The following GTPBP10 variants were observed in gnomAD, a reference collection of about 807,000 sequenced individuals.
GTPBP10 encodes GTP binding protein 10.
Under a neutral mutation model 44.8 loss-of-function variants are expected in GTPBP10, and 38 were observed. That is an observed-to-expected ratio of 0.85 (90% confidence interval 0.65 to 1.11). The LOEUF is 1.11. Among genes scored for constraint, GTPBP10 ranks in the 50% most tolerant of loss-of-function variants. The pLI, the probability that GTPBP10 is intolerant of heterozygous loss-of-function variation, is 0.00. For missense variants in GTPBP10, 462 were observed against 453.7 expected, an observed-to-expected ratio of 1.02 and a Z score of -0.17; for synonymous variants, 152 against 150.6, an observed-to-expected ratio of 1.01 and a Z score of -0.07.
intron 4 of GTPBP10, among the ~76,000 whole-genome samples, chr7:90,368,848 G>A (rs968352629): frequency 2.0e-5 from 3 of 152,210 alleles, no homozygotes; most frequent in Non-Finnish European, 4.4e-5. Flanking sequence ...GCGAGGAGCT[G>A]CAGTCCTTTG....
chr7:90,358,681 C>G (rs960768588), intron 4 of GTPBP10, among the ~76,000 whole-genome samples: 2 of 151,960 alleles, frequency 1.3e-5, no homozygotes, highest in African/African-American at 2.4e-5. Context: ...TAGGAAAAAC[C>G]CTTCTGGACA....
chr7:90,386,129 C>T lies in GTPBP10; in HGVS notation c.*975C>T, dbSNP rs909785375. The T allele has an allele frequency of 6.6e-6, 1 of 151,386 alleles. No homozygotes were observed. The highest frequency in any genetic ancestry group is 1.5e-5 in the Non-Finnish European group (1 of 67,898). The allele number at this position is 151,386 out of a possible 1,614,324, so 9.4% of individuals were successfully genotyped here. A position where few individuals can be genotyped will look rare whatever the true frequency, so the allele number is the denominator to read the frequency against. On this transcript the variant is annotated 3_prime_UTR_variant, in exon 10 of 10. Transcript: ENST00000222511. ...GCCAGCCCACCTGTAATAACATTCT[C>T]TGATATTCCTTTACTTAGGATGTCC...
intron 9 of GTPBP10, among the ~76,000 whole-genome samples, chr7:90,384,206 A>G (rs1039720376): frequency 2.6e-5 from 4 of 152,160 alleles, no homozygotes; most frequent in African/African-American, 9.7e-5. Flanking sequence ...TTTGAATCTC[A>G]GAAAGTAAGC....
At chr7:90,376,079 A>G (rs1235762458) in intron 6 of GTPBP10, among the ~76,000 whole-genome samples, 1 of 151,414 alleles carries the variant, frequency 6.6e-6, no homozygotes, top group African/African-American at 2.4e-5. Flanking sequence ...ACAAAAAAAA[A>G]AAAAAATTAG....
intron 4 of GTPBP10, among the ~76,000 whole-genome samples, chr7:90,355,655 G>A (rs1795883799): frequency 6.6e-6 from 1 of 152,100 alleles, no homozygotes; most frequent in African/African-American, 2.4e-5. Context: ...TTAAAGTATC[G>A]TTAATCAAAT....
At chr7:90,363,874 TTTCA>T (rs1796077297) in intron 4 of GTPBP10, among the ~76,000 whole-genome samples, 1 of 151,464 alleles carries the variant, frequency 6.6e-6, no homozygotes, top group East Asian at 1.9e-4. Context: ...TCTTGCTTCA[TTTCA>T]TTCATTTAAT....
intron 4 of GTPBP10, among the ~76,000 whole-genome samples, chr7:90,355,749 C>T (rs746272698): frequency 2.0e-5 from 3 of 152,130 alleles, no homozygotes; most frequent in Non-Finnish European, 4.4e-5. Context: ...ACTGTATATC[C>T]TTCTTGCCTC....
chr7:90,351,542 A>G (rs1180780513), intron 1 of GTPBP10, among the ~76,000 whole-genome samples: 2 of 152,150 alleles, frequency 1.3e-5, no homozygotes, highest in East Asian at 1.9e-4. Context: ...TTTCCAATCT[A>G]TTTGCTTTGT....
intron 4 of GTPBP10, among the ~76,000 whole-genome samples, chr7:90,364,728 A>G (rs1441322531): frequency 4.6e-5 from 7 of 152,094 alleles, no homozygotes; most frequent in Non-Finnish European, 8.8e-5. Flanking sequence ...CTGCCCCCGG[A>G]GGTGGATTCT....
intron 4 of GTPBP10, among the ~76,000 whole-genome samples, chr7:90,359,618 T>G (rs1795973569): frequency 6.6e-6 from 1 of 152,202 alleles, no homozygotes. Flanking sequence ...GCATCTGTCT[T>G]TATAGCAGCA....
intron 5 of GTPBP10, among the ~76,000 whole-genome samples, chr7:90,373,931 C>T (rs1796302458): frequency 6.6e-6 from 1 of 152,142 alleles, no homozygotes; most frequent in African/African-American, 2.4e-5. Context: ...ACTTTGAACT[C>T]CTGGGCTCAA....
chr7:90,350,054 A>C (rs1269632283), intron 1 of GTPBP10, among the ~76,000 whole-genome samples: 1 of 151,852 alleles, frequency 6.6e-6, no homozygotes, highest in East Asian at 1.9e-4. Flanking sequence ...TATTTCTCCT[A>C]ATGTTATCTC....
chr7:90,355,291 TAAATG>T (rs981489403), intron 4 of GTPBP10, 61 bp downstream of exon 4: 5 of 1,069,640 alleles, frequency 4.7e-6, no homozygotes, highest in Non-Finnish European at 6.4e-6. Flanking sequence ...GAATAGAAAA[TAAATG>T]TAAATGGTAA....
chr7:90,358,303 A>C (rs150791746), intron 4 of GTPBP10, among the ~76,000 whole-genome samples: 1 of 152,214 alleles, frequency 6.6e-6, no homozygotes, highest in South Asian at 2.1e-4. Context: ...AAATGGAAAT[A>C]CATCCAAAGC....
chr7:90,360,406 C>T (rs1795993385), intron 4 of GTPBP10, among the ~76,000 whole-genome samples: 1 of 152,174 alleles, frequency 6.6e-6, no homozygotes, highest in Non-Finnish European at 1.5e-5. Context: ...AATCCTATCC[C>T]CATTTCTTGT....
At chr7:90,367,780 A>C (rs1018975986) in intron 4 of GTPBP10, among the ~76,000 whole-genome samples, 1 of 152,120 alleles carries the variant, frequency 6.6e-6, no homozygotes, top group Non-Finnish European at 1.5e-5. Context: ...GCCCATTTAC[A>C]TTTAAGGTTG....
chr7:90,384,905 A>T lies in GTPBP10; in HGVS notation c.915A>T (p.Leu305Phe). Residue 305 changes from leucine to phenylalanine, a missense_variant, in exon 10 of 10, where the codon TTA becomes TTT. Physicochemically the swap from Leu to Phe is conservative, Grantham distance 22 (BLOSUM62 0). Coordinates refer to ENST00000222511, the MANE Select transcript of GTPBP10 (RefSeq NM_033107.4). Reference protein sequence around the residue: ...QLQNPKDFLHLFEKNMIPERT... With the variant: ...QLQNPKDFLHFFEKNMIPERT... Reference sequence around the variant, plus strand: ...TCTTTCTTTTAGATTTTCTGCATTTATTTGAAAAAAACATGATTCCAGAGA... The same window carrying T: ...TCTTTCTTTTAGATTTTCTGCATTTTTTTGAAAAAAACATGATTCCAGAGA... 1 of 1,586,366 alleles carries T rather than the reference A, an allele frequency of 6.3e-7. No individual in the cohort carries two copies. Among genetic ancestry groups the T allele is most frequent in the Non-Finnish European group, 8.6e-7 (1 of 1,168,956 alleles).
intron 8 of GTPBP10, among the ~76,000 whole-genome samples, chr7:90,382,442 C>A (rs1796448676): frequency 6.6e-6 from 1 of 152,086 alleles, no homozygotes; most frequent in African/African-American, 2.4e-5. Flanking sequence ...ATTTTTATTA[C>A]AAACAGGGCT....
intron 5 of GTPBP10, among the ~76,000 whole-genome samples, chr7:90,372,975 C>T (rs907950931): frequency 2.0e-5 from 3 of 152,102 alleles, no homozygotes; most frequent in African/African-American, 7.2e-5. Context: ...GTATAGATGA[C>T]TGCTCTAGGC....
Sources: gnomAD v4.1 joint callset for allele counts (sites outside exome capture counted in the v4.1 genomes callset) on GRCh38, gnomAD v4.1.1 for gene constraint, MANE v1.5 for transcripts, NCBI Gene and HGNC (gene_info 2026-07-23, HGNC 2026-07-21) for gene names.